Variants in CPA6 observed in about 807,000 individuals in gnomAD.
The protein encoded by CPA6 is carboxypeptidase A6, also known as carboxypeptidase B.
CPA6 carries 58 observed loss-of-function variants against 63.3 expected under a neutral mutation model. The ratio of observed to expected loss-of-function variants is 0.92; its 90% CI spans 0.74 to 1.14. CPA6 has a LOEUF of 1.14. Among genes scored for constraint, CPA6 ranks in the 50% most tolerant of loss-of-function variants. CPA6 has a pLI of 0.00. For synonymous variants in CPA6, 185 were observed against 179.0 expected, an observed-to-expected ratio of 1.03 and a Z score of -0.27; for missense variants, 565 against 526.6, an observed-to-expected ratio of 1.07 and a Z score of -0.71.
intron 9 of CPA6, among the ~76,000 whole-genome samples, chr8:67,431,499 A>G (rs1810026596): frequency 1.3e-5 from 2 of 152,162 alleles, no homozygotes; most frequent in Admixed American, 6.5e-5. Context: ...AAGTGCTGGG[A>G]TTACAGGCAT....
chr8:67,575,045 CAAAT>C (rs1250638581), intron 2 of CPA6, among the ~76,000 whole-genome samples: 1 of 151,866 alleles, frequency 6.6e-6, no homozygotes, highest in Non-Finnish European at 1.5e-5. Flanking sequence ...AGAAAGAAAA[CAAAT>C]AATCCAATTT....
chr8:67,487,356 T>C (rs1308177290), intron 6 of CPA6, among the ~76,000 whole-genome samples: 1 of 152,146 alleles, frequency 6.6e-6, no homozygotes, highest in Admixed American at 6.5e-5. Context: ...TCCAGCTTCA[T>C]CCATGTCCCT....
chr8:67,608,297 A>C (rs1295535564), intron 2 of CPA6, among the ~76,000 whole-genome samples: 1 of 152,216 alleles, frequency 6.6e-6, no homozygotes, highest in Admixed American at 6.5e-5. Flanking sequence ...TCCTGTGTCC[A>C]TATAAAGCCC....
chr8:67,434,617 C>T (rs564314080), intron 8 of CPA6, among the ~76,000 whole-genome samples: 1 of 152,338 alleles, frequency 6.6e-6, no homozygotes, highest in Non-Finnish European at 1.5e-5. Flanking sequence ...GCTATGCTGC[C>T]TACAGCGTCT....
At chr8:67,717,870 C>T (rs1190380473) in intron 1 of CPA6, among the ~76,000 whole-genome samples, 3 of 152,074 alleles carry the variant, frequency 2.0e-5, no homozygotes, top group Admixed American at 1.3e-4. Flanking sequence ...TGGCTGTTAC[C>T]AGAAGGTGGA....
chr8:67,496,484 T>C (rs1284037175), intron 6 of CPA6, among the ~76,000 whole-genome samples: 1 of 146,210 alleles, frequency 6.8e-6, no homozygotes, highest in Non-Finnish European at 1.5e-5. Context: ...TTTTAGTATA[T>C]TTACAGAGTT....
intron 9 of CPA6, among the ~76,000 whole-genome samples, chr8:67,432,711 G>A (rs1441200924): frequency 6.6e-6 from 1 of 152,164 alleles, no homozygotes; most frequent in Non-Finnish European, 1.5e-5. Flanking sequence ...TGATCCACCT[G>A]TCTGGGCCTC....
intron 1 of CPA6, among the ~76,000 whole-genome samples, chr8:67,679,795 A>G (rs746419522): frequency 3.9e-5 from 6 of 152,198 alleles, no homozygotes; most frequent in Non-Finnish European, 7.3e-5. Context: ...GGGCATTTCC[A>G]TAGTTCAACC....
intron 9 of CPA6, among the ~76,000 whole-genome samples, chr8:67,432,073 G>C (rs1810039228): frequency 6.6e-6 from 1 of 152,214 alleles, no homozygotes; most frequent in Non-Finnish European, 1.5e-5. Flanking sequence ...GGCATCTCCA[G>C]AGTGCTAAGG....
chr8:67,724,743 C>T (rs1817565912), intron 1 of CPA6, among the ~76,000 whole-genome samples: 1 of 152,194 alleles, frequency 6.6e-6, no homozygotes, highest in Admixed American at 6.5e-5. Context: ...TAAAAATAAT[C>T]AGTAAGCAAC....
At chr8:67,437,486 C>T (rs895182526) in intron 8 of CPA6, among the ~76,000 whole-genome samples, 5 of 152,104 alleles carry the variant, frequency 3.3e-5, no homozygotes, top group African/African-American at 1.2e-4. Flanking sequence ...GGAATACAGA[C>T]CTAAAGCACT....
chr8:67,556,129 G>A (rs563009319), intron 2 of CPA6, among the ~76,000 whole-genome samples: 1 of 152,302 alleles, frequency 6.6e-6, no homozygotes, highest in Non-Finnish European at 1.5e-5. Flanking sequence ...CAAGGTCTAG[G>A]CATAACTTGG....
chr8:67,451,471 A>C (rs1847291), intron 8 of CPA6, among the ~76,000 whole-genome samples: 37,762 of 152,040 alleles, frequency 0.25, 5,391 homozygotes, highest in African/African-American at 0.39. Flanking sequence ...AAGCTCAGGG[A>C]TCCCACTGAC....
rs753436672 is a variant in CPA6, at chr8:67,658,248, G to C, written c.117-33997C>G. Reference sequence around the variant, plus strand: ...CACTGCTTTGTGTATCATAAGTGCTGCAACATGTATTGTGCTGATTGTAAT... The same window carrying C: ...CACTGCTTTGTGTATCATAAGTGCTCCAACATGTATTGTGCTGATTGTAAT... On this transcript the variant is annotated intron_variant, in intron 1 of 10. Transcript: ENST00000297770. Among the ~76,000 whole-genome samples, 21 of 152,148 alleles carry C rather than the reference G, an allele frequency of 1.4e-4. 1 individual carries two copies. The highest frequency in any genetic ancestry group is 2.1e-4 in the South Asian group (1 of 4,830).
chr8:67,443,953 A>G (rs1249232147), intron 8 of CPA6, among the ~76,000 whole-genome samples: 1 of 151,284 alleles, frequency 6.6e-6, no homozygotes, highest in Non-Finnish European at 1.5e-5. Context: ...GTTTGATAAC[A>G]TCTTACCTCT....
intron 1 of CPA6, among the ~76,000 whole-genome samples, chr8:67,669,448 T>G (rs1816298328): frequency 6.6e-6 from 1 of 152,356 alleles, no homozygotes; most frequent in African/African-American, 2.4e-5. Flanking sequence ...ACGGGGAGTC[T>G]TTCTATAACC....
At chr8:67,599,959 A>C (rs1040856862) in intron 2 of CPA6, among the ~76,000 whole-genome samples, 1 of 152,202 alleles carries the variant, frequency 6.6e-6, no homozygotes, top group Non-Finnish European at 1.5e-5. Flanking sequence ...AAGATGGTAG[A>C]AACTAGATTT....
chr8:67,591,101 T>C (rs1252171678), intron 2 of CPA6, among the ~76,000 whole-genome samples: 4 of 151,704 alleles, frequency 2.6e-5, no homozygotes, highest in Non-Finnish European at 5.9e-5. Context: ...GCTTTCTACA[T>C]ATGGCTAGCC....
At chr8:67,509,682 A>T in intron 4 of CPA6, 64 bp from the exon 5 acceptor site, 1 of 792,814 alleles carries the variant, frequency 1.3e-6, no homozygotes, top group South Asian at 1.8e-5. Context: ...TTAGAGAACA[A>T]AAGGAAACAA....
Sources: allele counts gnomAD v4.1 joint callset (sites outside exome capture counted in the v4.1 genomes callset), GRCh38; gene constraint gnomAD v4.1.1; transcripts MANE v1.5; gene names NCBI Gene and HGNC (gene_info 2026-07-23, HGNC 2026-07-21).